Variants in CCDC191 observed in about 807,000 individuals in gnomAD.
CCDC191 encodes coiled-coil domain containing 191.
Under a neutral mutation model 114.0 loss-of-function variants are expected in CCDC191, and 99 were observed. That is an observed-to-expected ratio of 0.87 (90% CI 0.74 to 1.03). The LOEUF is 1.03. Among genes scored for constraint, CCDC191 ranks in the 50% least tolerant of loss-of-function variants. The pLI is 0.00. For missense variants in CCDC191, 973 were observed against 1,087.0 expected, an observed-to-expected ratio of 0.90 and a Z score of 1.47; for synonymous variants, 351 against 376.0, an observed-to-expected ratio of 0.93 and a Z score of 0.77.
chr3:114,048,741 T>C (rs1370422832), intron 2 of CCDC191, among the ~76,000 whole-genome samples: 1 of 152,202 alleles, frequency 6.6e-6, no homozygotes, highest in African/African-American at 2.4e-5. Context: ...GTCTCTATAG[T>C]ACTTACCATC....
At chr3:113,992,268 A>G (rs1408387727) in intron 13 of CCDC191, among the ~76,000 whole-genome samples, 1 of 152,170 alleles carries the variant, frequency 6.6e-6, no homozygotes, top group Non-Finnish European at 1.5e-5. Flanking sequence ...CCACGGAGGA[A>G]AGTGAGAGGA....
chr3:113,993,170 C>T (rs557719240), intron 13 of CCDC191, among the ~76,000 whole-genome samples: 8 of 152,072 alleles, frequency 5.3e-5, no homozygotes, highest in African/African-American at 1.2e-4. Context: ...TGGTGGCTCA[C>T]GCCTGTAATC....
At chr3:113,991,214 C>G (rs1037927754) in intron 13 of CCDC191, among the ~76,000 whole-genome samples, 3 of 131,852 alleles carry the variant, frequency 2.3e-5, no homozygotes, top group Non-Finnish European at 3.1e-5. Flanking sequence ...CCAGCCTGGG[C>G]AACACAGTGA....
intron 13 of CCDC191, among the ~76,000 whole-genome samples, chr3:113,994,452 A>G (rs2075661588): frequency 1.3e-5 from 2 of 152,174 alleles, no homozygotes; most frequent in East Asian, 1.9e-4. Flanking sequence ...GGAACACAAA[A>G]TGGTGCAGCC....
At chr3:114,006,587 G>GATATATATATAT (rs67264886) in intron 9 of CCDC191, among the ~76,000 whole-genome samples, 376 of 82,490 alleles carry the variant, frequency 4.6e-3, no homozygotes, top group East Asian at 6.2e-3. Flanking sequence ...GGTTACTCCA[G>GATATATATATAT]ATATATATAT....
In CCDC191 at chr3:114,017,848, CT is replaced by C. The variant is rs549334134; in HGVS notation, c.1163+829del. On this transcript the variant is annotated intron_variant, in intron 8 of 16. Coordinates refer to ENST00000295878, the MANE Select transcript of CCDC191 (RefSeq NM_020817.2). ...TGCACGTTCTGCACATCATTTATCA[CT>C]TTTTTTTAGAATAAATAAAGAAAAA... Among the ~76,000 whole-genome samples the C allele has an allele frequency of 1.2e-4, 19 of 152,040 alleles. No homozygotes were observed. In the East Asian group the frequency reaches 1.7e-3, roughly 14 times the overall value.
At position 114,031,518 on chromosome 3, in the gene CCDC191, T is replaced by C. The variant is rs920781447; in HGVS notation, c.972+108A>G. ...CAAATGGCGTGGGCAGTTTTGGTAT[T>C]TGTGATGAGGTTCAACTGGACTTAG... On this transcript the variant is annotated intron_variant, in intron 7 of 16. Transcript: ENST00000295878. 3 of 932,744 alleles carry C rather than the reference T, an allele frequency of 3.2e-6. No individual in the cohort carries two copies. In the Admixed American group the frequency reaches 6.4e-5, roughly 20 times the overall value. The allele number at this position is 932,744 out of a possible 1,614,324, so 57.8% of individuals were successfully genotyped here.
At chr3:114,008,367 C>A (rs543124419) in intron 9 of CCDC191, among the ~76,000 whole-genome samples, 123 of 151,884 alleles carry the variant, frequency 8.1e-4, no homozygotes, top group African/African-American at 2.7e-3. Flanking sequence ...TCTTCCTGAT[C>A]CCCCCTTGCT....
chr3:114,044,316 T>C (rs1337598384), intron 3 of CCDC191, among the ~76,000 whole-genome samples: 1 of 152,198 alleles, frequency 6.6e-6, no homozygotes, highest in Non-Finnish European at 1.5e-5. Context: ...TGTGATATCC[T>C]GAAAGCTAAC....
At chr3:113,997,830 G>A (rs1002141712) in intron 13 of CCDC191, among the ~76,000 whole-genome samples, 1 of 152,160 alleles carries the variant, frequency 6.6e-6, no homozygotes, top group Admixed American at 6.5e-5. Context: ...CAGTGATACT[G>A]TGGTTATTCT....
intron 13 of CCDC191, chr3:113,984,309 C>T (rs1487384000): frequency 6.6e-6 from 1 of 152,022 alleles, no homozygotes; most frequent in Non-Finnish European, 1.5e-5. Flanking sequence ...AAAATACCCG[C>T]CCAAATAGAA....
chr3:114,035,184 T>C, intron 5 of CCDC191, 36 bp from the exon 6 acceptor site: 1 of 1,484,860 alleles, frequency 6.7e-7, no homozygotes, highest in Non-Finnish European at 9.3e-7. Context: ...AGTGTGGCCT[T>C]TCAAGTAGAA....
intron 8 of CCDC191, among the ~76,000 whole-genome samples, chr3:114,018,254 A>G (rs2076191915): frequency 6.6e-6 from 1 of 152,250 alleles, no homozygotes; most frequent in East Asian, 1.9e-4. Context: ...GTACAATGCT[A>G]CTACACCAGA....
intron 9 of CCDC191, among the ~76,000 whole-genome samples, chr3:114,006,593 T>TATATATATATATATATATAG (rs2075965540): frequency 7.6e-6 from 1 of 132,264 alleles, no homozygotes; most frequent in African/African-American, 3.1e-5. Context: ...TCCAGATATA[T>TATATATATATATATATATAG]ATATATATAT....
chr3:113,990,567 A>C (rs2075522487), intron 13 of CCDC191, among the ~76,000 whole-genome samples: 1 of 151,862 alleles, frequency 6.6e-6, no homozygotes, highest in Non-Finnish European at 1.5e-5. Context: ...GAATTTACTC[A>C]TGTAACCAAA....
chr3:114,005,545 T>C lies in CCDC191; in HGVS notation c.1831A>G (p.Arg611Gly), dbSNP rs2075939241. The C allele has an allele frequency of 1.2e-6, 2 of 1,613,400 alleles. No homozygotes were observed. The highest frequency in any genetic ancestry group is 1.1e-5 in the South Asian group (1 of 90,986). The change falls in exon 10 of 17, where the codon AGA (arginine) becomes GGA (glycine). Residue 611 changes from arginine to glycine, a missense_variant. Physicochemically the swap from Arg to Gly is moderately radical, Grantham distance 125. Coordinates refer to ENST00000295878, the MANE Select transcript of CCDC191 (RefSeq NM_020817.2). Reference sequence around the variant, plus strand: ...TGGCAGGTTCTTGGTTCCTCTTCTCTGGGCTTTGACAGCAGGTGGCTCTGT... The same window carrying C: ...TGGCAGGTTCTTGGTTCCTCTTCTCCGGGCTTTGACAGCAGGTGGCTCTGT... ...EAQSHLLSKP[R>G]EEEPRTCQML...
chr3:113,980,415 G>A (rs2075105467), intron 14 of CCDC191, among the ~76,000 whole-genome samples: 1 of 152,094 alleles, frequency 6.6e-6, no homozygotes, highest in Admixed American at 6.6e-5. Flanking sequence ...ACCTTGGGGG[G>A]ATCTCTAATA....
chr3:114,003,117 T>G, intron 11 of CCDC191: 2 of 985,438 alleles, frequency 2.0e-6, no homozygotes, highest in South Asian at 9.4e-5. Flanking sequence ...TTTGGAGAAC[T>G]GGCATCTGAA....
chr3:113,973,896 C>T (rs1941068548), intron 16 of CCDC191, among the ~76,000 whole-genome samples: 1 of 151,000 alleles, frequency 6.6e-6, no homozygotes, highest in Non-Finnish European at 1.5e-5. Context: ...CATTCAAGTC[C>T]CCCTTCAACA....
Sources: allele counts gnomAD v4.1 joint callset (sites outside exome capture counted in the v4.1 genomes callset), GRCh38; gene constraint gnomAD v4.1.1; transcripts MANE v1.5; gene names NCBI Gene and HGNC (gene_info 2026-07-23, HGNC 2026-07-21).